Variants in DOCK3 observed in about 807,000 individuals in gnomAD.
The protein encoded by DOCK3 is dedicator of cytokinesis 3, also known as dedicator of cytokinesis protein 3.
In DOCK3, 60 loss-of-function variants were observed where a neutral mutation model predicts 265.6. The observed-to-expected ratio is 0.23, with a 90% CI of 0.18 to 0.28. The LOEUF is 0.28. Among genes scored for constraint, DOCK3 ranks in the 10% least tolerant of loss-of-function variants. The pLI is 1.00. For missense variants in DOCK3, 1,981 were observed against 2,594.3 expected (o/e 0.76, Z 5.14); for synonymous variants, 881 against 938.0 (o/e 0.94, Z 1.11).
chr3:51,293,809 G>A (rs2081922942), intron 27 of DOCK3, among the ~76,000 whole-genome samples: 1 of 152,142 alleles, frequency 6.6e-6, no homozygotes, highest in African/African-American at 2.4e-5. Context: ...AAGGACTTGA[G>A]TAGACATTTC....
intron 5 of DOCK3, among the ~76,000 whole-genome samples, chr3:51,029,802 ATC>A: frequency 6.6e-6 from 1 of 152,178 alleles, no homozygotes; most frequent in East Asian, 1.9e-4. Context: ...AGGGTGGAGA[ATC>A]TCTCATCAGG....
chr3:51,110,883 G>A (rs2083482356), intron 9 of DOCK3, among the ~76,000 whole-genome samples: 1 of 152,154 alleles, frequency 6.6e-6, no homozygotes, highest in African/African-American at 2.4e-5. Flanking sequence ...AAGAGAAGAA[G>A]TCAGTCTATC....
At chr3:51,174,727 C>T (rs1398071843) in intron 12 of DOCK3, among the ~76,000 whole-genome samples, 1 of 152,126 alleles carries the variant, frequency 6.6e-6, no homozygotes, top group Non-Finnish European at 1.5e-5. Flanking sequence ...AATGTCAGTG[C>T]CTGTGAAAAA....
chr3:51,250,621 G>T (rs2079164221), intron 22 of DOCK3, among the ~76,000 whole-genome samples: 1 of 152,060 alleles, frequency 6.6e-6, no homozygotes, highest in East Asian at 1.9e-4. Flanking sequence ...TCCATCTCAA[G>T]AGAAAACAAA....
At chr3:51,208,989 T>C in intron 13 of DOCK3, 127 bp downstream of exon 13, 1 of 749,422 alleles carries the variant, frequency 1.3e-6, no homozygotes, top group Non-Finnish European at 2.1e-6. Context: ...TGCCGAGGCA[T>C]TTCCTACTCA....
chr3:51,183,955 T>G (rs1269172664), intron 12 of DOCK3, among the ~76,000 whole-genome samples: 1 of 152,108 alleles, frequency 6.6e-6, no homozygotes, highest in Admixed American at 6.5e-5. Flanking sequence ...CAGGAAGCAC[T>G]CCAATTGCAA....
At chr3:51,269,696 G>A (rs1002530993) in intron 23 of DOCK3, among the ~76,000 whole-genome samples, 2 of 152,158 alleles carry the variant, frequency 1.3e-5, no homozygotes, top group South Asian at 2.1e-4. Flanking sequence ...ATTTCTCTTT[G>A]TAAATCCTGA....
intron 9 of DOCK3, among the ~76,000 whole-genome samples, chr3:51,121,917 A>G (rs954589216): frequency 6.6e-6 from 1 of 152,318 alleles, no homozygotes; most frequent in African/African-American, 2.4e-5. Flanking sequence ...TCATAAGACA[A>G]TAGCCAGCCA....
intron 1 of DOCK3, among the ~76,000 whole-genome samples, chr3:50,757,480 C>CT (rs1171636710): frequency 3.3e-5 from 5 of 151,754 alleles, no homozygotes; most frequent in Non-Finnish European, 7.4e-5. Context: ...CTCAGATTGT[C>CT]TTTTTATTGT....
chr3:51,350,141 T>C, intron 39 of DOCK3, 147 bp from the exon 40 acceptor site: 1 of 650,726 alleles, frequency 1.5e-6, no homozygotes, highest in Non-Finnish European at 2.6e-6. Flanking sequence ...GGAGAGAGGC[T>C]GGTCATGTCT....
intron 1 of DOCK3, among the ~76,000 whole-genome samples, chr3:50,778,154 C>T (rs1263888039): frequency 3.3e-5 from 5 of 152,054 alleles, no homozygotes; most frequent in Middle Eastern, 3.4e-3. Context: ...AAAAAAGTTA[C>T]GGGATTTTGA....
At chr3:51,023,217 C>T (rs2079669458) in intron 5 of DOCK3, among the ~76,000 whole-genome samples, 1 of 151,884 alleles carries the variant, frequency 6.6e-6, no homozygotes, top group Non-Finnish European at 1.5e-5. Flanking sequence ...TATATAATCT[C>T]ATATTTCTTG....
At chr3:51,172,743 T>A (rs1244759666) in intron 12 of DOCK3, among the ~76,000 whole-genome samples, 1 of 152,216 alleles carries the variant, frequency 6.6e-6, no homozygotes, top group East Asian at 1.9e-4. Context: ...TGTCTTTCTT[T>A]GGAATTTGTT....
At chr3:50,708,246 T>G (rs972837347) in intron 1 of DOCK3, among the ~76,000 whole-genome samples, 2 of 151,980 alleles carry the variant, frequency 1.3e-5, no homozygotes, top group Admixed American at 6.6e-5. Context: ...GCTGGAGGGG[T>G]TGAGGTTGCT....
intron 5 of DOCK3, among the ~76,000 whole-genome samples, chr3:50,940,233 C>T (rs541546755): frequency 6.7e-6 from 1 of 148,998 alleles, no homozygotes; most frequent in Admixed American, 6.8e-5. Flanking sequence ...AGGAAGACTG[C>T]TTGAGCCCAG....
At chr3:51,343,659 A>T (rs1250808648) in intron 38 of DOCK3, among the ~76,000 whole-genome samples, 1 of 152,240 alleles carries the variant, frequency 6.6e-6, no homozygotes, top group Non-Finnish European at 1.5e-5. Context: ...CCTGTAGTAC[A>T]CTTGCTACCT....
intron 23 of DOCK3, among the ~76,000 whole-genome samples, chr3:51,262,787 A>G (rs1443441454): frequency 6.6e-6 from 1 of 152,240 alleles, no homozygotes; most frequent in East Asian, 1.9e-4. Flanking sequence ...AAGTATCAAT[A>G]GCCAAACTGA....
At chr3:50,864,266 A>G (rs1481288829) in intron 3 of DOCK3, among the ~76,000 whole-genome samples, 2 of 152,136 alleles carry the variant, frequency 1.3e-5, no homozygotes, top group African/African-American at 4.8e-5. Flanking sequence ...AGAAATGTCC[A>G]TTCAGGTATT....
intron 5 of DOCK3, among the ~76,000 whole-genome samples, chr3:50,983,563 G>T (rs542811947): frequency 2.0e-4 from 30 of 152,268 alleles, no homozygotes; most frequent in South Asian, 1.9e-3. Flanking sequence ...CTAGCAGAGA[G>T]GAGCTACCTA....
Sources: gnomAD v4.1 joint callset for allele counts (sites outside exome capture counted in the v4.1 genomes callset) on GRCh38, gnomAD v4.1.1 for gene constraint, MANE v1.5 for transcripts, NCBI Gene and HGNC (gene_info 2026-07-23, HGNC 2026-07-21) for gene names.